Variants in MYO3A observed in about 807,000 individuals in gnomAD.
MYO3A encodes the protein myosin IIIA, also known as myosin-IIIa.
MYO3A carries 180 observed loss-of-function variants against 192.7 expected under a neutral mutation model. The ratio of observed to expected loss-of-function variants is 0.93; its 90% confidence interval spans 0.83 to 1.06. MYO3A has a LOEUF of 1.06. Ranked by LOEUF, MYO3A falls within the 50% of genes least tolerant of loss-of-function variation. The probability of loss-of-function intolerance (pLI) is 0.00; values close to 1 mark genes in which losing one functional copy is unlikely to be tolerated. For synonymous variants in MYO3A, 628 were observed against 645.3 expected, an observed-to-expected ratio of 0.97 and a Z score of 0.41; for missense variants, 1,896 against 1,905.0, an observed-to-expected ratio of 1.00 and a Z score of 0.09.
chr10:26,056,979 A>G (rs559185442), intron 10 of MYO3A, among the ~76,000 whole-genome samples: 32 of 152,178 alleles, frequency 2.1e-4, no homozygotes, highest in Non-Finnish European at 4.0e-4. Flanking sequence ...AATAGATGCC[A>G]TGAAAGCTAC....
intron 4 of MYO3A, among the ~76,000 whole-genome samples, chr10:25,962,596 C>A (rs1344765386): frequency 6.6e-6 from 1 of 152,252 alleles, no homozygotes; most frequent in East Asian, 1.9e-4. Context: ...ATATTCCTTT[C>A]TGCCTGTTGC....
intron 20 of MYO3A, among the ~76,000 whole-genome samples, chr10:26,129,751 A>C (rs1173157351): frequency 1.3e-5 from 2 of 152,138 alleles, no homozygotes; most frequent in African/African-American, 4.8e-5. Context: ...CCTTTAGATC[A>C]TATATTGTGT....
At chr10:26,185,096 G>T (rs1356559740) in intron 31 of MYO3A, among the ~76,000 whole-genome samples, 1 of 152,072 alleles carries the variant, frequency 6.6e-6, no homozygotes, top group African/African-American at 2.4e-5. Flanking sequence ...TCATTCACTG[G>T]CTGGCCACCT....
At chr10:25,960,404 T>C (rs1837847833) in intron 4 of MYO3A, among the ~76,000 whole-genome samples, 1 of 152,154 alleles carries the variant, frequency 6.6e-6, no homozygotes, top group Admixed American at 6.6e-5. Flanking sequence ...AACTTTTAAT[T>C]GTTAGGGATG....
intron 23 of MYO3A, among the ~76,000 whole-genome samples, chr10:26,152,091 A>G: frequency 6.6e-6 from 1 of 152,226 alleles, no homozygotes; most frequent in Non-Finnish European, 1.5e-5. Context: ...GCCAGGCTCT[A>G]AATACTATGT....
chr10:25,949,669 A>G (rs775456005), intron 2 of MYO3A, among the ~76,000 whole-genome samples: 39 of 152,094 alleles, frequency 2.6e-4, no homozygotes, highest in Non-Finnish European at 2.8e-4. Context: ...ATTCATAGCC[A>G]TTTACTCGAT....
intron 10 of MYO3A, among the ~76,000 whole-genome samples, chr10:26,065,532 C>G (rs185329777): frequency 1.8e-4 from 24 of 132,402 alleles, no homozygotes; most frequent in African/African-American, 6.7e-4. Flanking sequence ...TTGCAGTGAG[C>G]TGAGATCACG....
intron 6 of MYO3A, among the ~76,000 whole-genome samples, chr10:26,002,382 A>G (rs907931504): frequency 6.6e-6 from 1 of 152,194 alleles, no homozygotes; most frequent in African/African-American, 2.4e-5. Context: ...AGATGGAGCA[A>G]TGGTGAGCGC....
intron 10 of MYO3A, among the ~76,000 whole-genome samples, chr10:26,045,576 C>G (rs1344365774): frequency 1.3e-5 from 2 of 152,108 alleles, no homozygotes; most frequent in African/African-American, 4.8e-5. Flanking sequence ...TTTGGAACAG[C>G]TTCAGAGTGA....
At position 26,049,667 on chromosome 10, in the gene MYO3A, TTCTTTC is replaced by T. The variant is rs1449146649; in HGVS notation, c.954-17306_954-17301del. Reference sequence around the variant, plus strand: ...AAGATGAAATTCTTTCTTTCTTTCTTTCTTTCTTTTTTTTTTTTTTTTTTTTTTTGA... The same window carrying T: ...AAGATGAAATTCTTTCTTTCTTTCTTTTTTTTTTTTTTTTTTTTTTTTTGA... On this transcript the variant is annotated intron_variant, in intron 10 of 34. Coordinates refer to ENST00000642920, the MANE Select transcript of MYO3A (RefSeq NM_017433.5). 9.1e-5 allele frequency among the ~76,000 whole-genome samples: 7 copies of T among 77,022 alleles called. 1 individual carries two copies. In the East Asian group the frequency reaches 1.7e-3, roughly 18 times the overall value. The allele number at this position is 77,022 out of a possible 152,430, so 50.5% of individuals were successfully genotyped here. A position where few individuals can be genotyped will look rare whatever the true frequency, so the allele number is the denominator to read the frequency against.
At chr10:26,153,065 A>G (rs1840894527) in intron 23 of MYO3A, among the ~76,000 whole-genome samples, 1 of 152,216 alleles carries the variant, frequency 6.6e-6, no homozygotes, top group African/African-American at 2.4e-5. Context: ...GCACATTACT[A>G]TTAGGATAAT....
At chr10:26,022,114 T>G (rs1842337768) in intron 8 of MYO3A, 1 of 152,892 alleles carries the variant, frequency 6.5e-6, no homozygotes, top group Non-Finnish European at 1.5e-5. Flanking sequence ...TTTAAACATG[T>G]TAGTATTTTG....
rs144279211 is a variant in MYO3A at position 26,076,944 on chromosome 10, G to A, written c.1359+6543G>A. Among the ~76,000 whole-genome samples the A allele has an allele frequency of 2.7e-3, 412 of 152,058 alleles. 6 individuals are homozygous for A. The Middle Eastern group carries it at 0.037, about 14-fold the overall frequency. The stretch of plus-strand genomic sequence containing the variant: ...CAAGTAGTGTGATGCCTCAAGATTC[G>A]TTCCTTTTGCTTAGTCTTGCTTTGG... On this transcript the variant is annotated intron_variant, in intron 14 of 34. Transcript: ENST00000642920.
At chr10:26,128,329 T>G in intron 19 of MYO3A, 62 bp from the exon 20 acceptor site, 1 of 1,537,824 alleles carries the variant, frequency 6.5e-7, no homozygotes, top group Non-Finnish European at 9.0e-7. Context: ...ACTCTAAGAT[T>G]CCCTGTTTTA....
At chr10:26,100,175 G>C (rs191889448) in intron 17 of MYO3A, among the ~76,000 whole-genome samples, 1 of 152,258 alleles carries the variant, frequency 6.6e-6, no homozygotes, top group Non-Finnish European at 1.5e-5. Context: ...ATTTCTTCTA[G>C]ATTTTCTAGT....
intron 10 of MYO3A, among the ~76,000 whole-genome samples, chr10:26,034,039 G>C (rs953004413): frequency 1.3e-5 from 2 of 152,088 alleles, no homozygotes; most frequent in Non-Finnish European, 1.5e-5. Flanking sequence ...ACAGCCCACA[G>C]TGGGGAGTAC....
intron 34 of MYO3A, among the ~76,000 whole-genome samples, chr10:26,208,538 T>C (rs1844079344): frequency 1.3e-5 from 2 of 152,172 alleles, no homozygotes; most frequent in Admixed American, 1.3e-4. Flanking sequence ...GAATTAGAAA[T>C]AATGTTTGTG....
chr10:25,940,160 A>T (rs188263130), intron 2 of MYO3A, among the ~76,000 whole-genome samples: 12 of 152,174 alleles, frequency 7.9e-5, no homozygotes, highest in African/African-American at 2.9e-4. Flanking sequence ...AGTGTAGTCC[A>T]GTTATAATTA....
rs1465819171 is a variant in MYO3A, at chr10:26,173,986, A to G, written c.3722A>G (p.Tyr1241Cys). Residue 1241 changes from tyrosine (Y) to cysteine (C), a missense_variant, in exon 30 of 35, where the codon TAT becomes TGT. Tyr to Cys is a radical substitution (Grantham distance 194). Coordinates refer to ENST00000642920, the MANE Select transcript of MYO3A (RefSeq NM_017433.5). ...EKEEAMIQSY[Y>C]QRYTEERNCE... ...GAGGAAGCTATGATCCAGAGTTACT[A>G]TCAGAGGTACACAGAGGAGAGGAAT... The G allele has an allele frequency of 1.2e-6, 2 of 1,608,918 alleles. No individual in the cohort carries two copies. The highest frequency in any genetic ancestry group is 1.7e-5 in the Admixed American group (1 of 58,938).
Sources: allele counts gnomAD v4.1 joint callset (sites outside exome capture counted in the v4.1 genomes callset), GRCh38; gene constraint gnomAD v4.1.1; transcripts MANE v1.5; gene names NCBI Gene and HGNC (gene_info 2026-07-23, HGNC 2026-07-21).